The following ATXN10 variants were observed in gnomAD, a reference collection of about 807,000 sequenced individuals.
The protein encoded by ATXN10 is ataxin 10.
In ATXN10, 28 loss-of-function variants were observed where a neutral mutation model predicts 52.9. The ratio of observed to expected loss-of-function variants is 0.53; its 90% CI spans 0.39 to 0.73. The LOEUF is 0.73. Ranked by LOEUF, ATXN10 falls within the 30% of genes least tolerant of loss-of-function variation. ATXN10 has a pLI of 0.00. For missense variants in ATXN10, 565 were observed against 577.0 expected (o/e 0.98, Z 0.21); for synonymous variants, 226 against 221.5 (o/e 1.02, Z -0.18).
chr22:45,787,683 A>G lies in ATXN10; in HGVS notation c.1174-19276A>G, dbSNP rs1473235323. Among the ~76,000 whole-genome samples the G allele has an allele frequency of 6.6e-6, 1 of 152,178 alleles. No homozygotes were observed. Among genetic ancestry groups the G allele is most frequent in the African/African-American group, 2.4e-5 (1 of 41,442 alleles). ...TTTAATTCAGTTTAGTGAGGTCTAT[A>G]TGTTTGTCTGTGTGTTATTCCTGTA... On this transcript the variant is annotated intron_variant, in intron 9 of 11. Coordinates refer to ENST00000252934, the MANE Select transcript of ATXN10 (RefSeq NM_013236.4). The surrounding 1 kb of genome is among the most constrained non-coding windows in gnomAD (Gnocchi z 4.2).
chr22:45,677,488 TAAAA>T lies in ATXN10; in HGVS notation c.116+5315_116+5318del, dbSNP rs918503360. ...TTTCGTTGGTGTTTAATTTAAAAATTAAAAAAAAATTCAGGCCAAAAGGTCTTAA... is the reference window on the plus strand; with the variant it reads ...TTTCGTTGGTGTTTAATTTAAAAATTAAAAATTCAGGCCAAAAGGTCTTAA... On this transcript the variant is annotated intron_variant, in intron 1 of 11. Transcript: ENST00000252934. The surrounding 1 kb of genome is among the most constrained non-coding windows in gnomAD (Gnocchi z 4.1). 1.4e-5 allele frequency: 2 copies of T among 141,914 alleles called. No individual in the cohort carries two copies. The highest frequency in any genetic ancestry group is 5.2e-5 in the African/African-American group (2 of 38,294). 8.8% of individuals were successfully genotyped at this position (141,914 alleles called of 1,614,324 possible).
chr22:45,833,937 C>T lies in ATXN10; in HGVS notation c.1238-9054C>T, dbSNP rs1043213058. Among the ~76,000 whole-genome samples, 8 of 152,136 alleles carry T rather than the reference C, an allele frequency of 5.3e-5. No homozygotes were observed. Among genetic ancestry groups the T allele is most frequent in the Middle Eastern group, 3.2e-3 (1 of 316 alleles). Reference sequence around the variant, plus strand: ...AATCCACCTTGAACACATCCAGTTGCGGGACCTTGGCCATGTTCGCCTCTG... The same window carrying T: ...AATCCACCTTGAACACATCCAGTTGTGGGACCTTGGCCATGTTCGCCTCTG... On this transcript the variant is annotated intron_variant, in intron 10 of 11. Transcript: ENST00000252934. This position sits in a 1 kb window ranked among gnomAD's most constrained non-coding sequence, Gnocchi z 4.3.
In ATXN10 at chr22:45,729,559, A is replaced by G. The variant is rs757097542; in HGVS notation, c.863A>G (p.Lys288Arg). 11 of 1,614,204 alleles carry G rather than the reference A, an allele frequency of 6.8e-6. No homozygotes were observed. Among genetic ancestry groups the G allele is most frequent in the Non-Finnish European group, 9.3e-6 (11 of 1,180,032 alleles). Residue 288 changes from lysine to arginine, a missense_variant, in exon 7 of 12, where the codon AAG becomes AGG. Physicochemically the swap from Lys to Arg is conservative, Grantham distance 26. Coordinates refer to ENST00000252934, the MANE Select transcript of ATXN10 (RefSeq NM_013236.4). ...TFVDQCKTVLKLASEEPPDDE... is the reference protein window; with the variant it reads ...TFVDQCKTVLRLASEEPPDDE... ...GTGGATCAGTGCAAGACTGTGCTCAAGCTGGCCTCTGAGGAGCCTCCTGAT... is the reference window on the plus strand; with the variant it reads ...GTGGATCAGTGCAAGACTGTGCTCAGGCTGGCCTCTGAGGAGCCTCCTGAT...
At chr22:45,788,355 A>G (rs1927389852) in intron 9 of ATXN10, among the ~76,000 whole-genome samples, 1 of 151,364 alleles carries the variant, frequency 6.6e-6, no homozygotes, top group Non-Finnish European at 1.5e-5. Context: ...CCCACCACAC[A>G]TCCATTTCAA....
chr22:45,721,785 G>A (rs1924661872), intron 6 of ATXN10, among the ~76,000 whole-genome samples: 1 of 152,084 alleles, frequency 6.6e-6, no homozygotes, highest in Non-Finnish European at 1.5e-5. Flanking sequence ...TTGGAGTTCT[G>A]AGGCCTGTAG....
At chr22:45,808,502 T>C (rs777510484) in intron 10 of ATXN10, among the ~76,000 whole-genome samples, 13 of 152,224 alleles carry the variant, frequency 8.5e-5, no homozygotes, top group Non-Finnish European at 1.9e-4. Context: ...GTGTCCTCCT[T>C]GCCAGATGGC....
In ATXN10 at chr22:45,727,514, C is replaced by T. The variant is rs953705478; in HGVS notation, c.729-1911C>T. ...GCTGGATTACAGGCCCCTGCCACCA[C>T]GGCTGGCTAGTTGTTTTTGTATTTT... On this transcript the variant is annotated intron_variant, in intron 6 of 11. Transcript: ENST00000252934. This position sits in a 1 kb window ranked among gnomAD's most constrained non-coding sequence, Gnocchi z 4.6. 2.0e-5 allele frequency among the ~76,000 whole-genome samples: 3 copies of T among 152,052 alleles called. No homozygotes were observed. The highest frequency in any genetic ancestry group is 1.9e-4 in the East Asian group (1 of 5,190).
intron 5 of ATXN10, among the ~76,000 whole-genome samples, chr22:45,703,635 AGTTT>A (rs1405975251): frequency 1.3e-5 from 2 of 152,174 alleles, no homozygotes; most frequent in African/African-American, 4.8e-5. Flanking sequence ...AGGTTTAGAC[AGTTT>A]GTTACTTATA....
At chr22:45,697,110 C>T (rs1923638800) in intron 3 of ATXN10, among the ~76,000 whole-genome samples, 1 of 152,100 alleles carries the variant, frequency 6.6e-6, no homozygotes, top group African/African-American at 2.4e-5. Context: ...CAGTATTATG[C>T]AACTACCATC....
rs561821786 is a variant in ATXN10, at chr22:45,763,468, G to A, written c.1173+22930G>A. 1.3e-5 allele frequency among the ~76,000 whole-genome samples: 2 copies of A among 152,248 alleles called. No homozygotes were observed. Among genetic ancestry groups the A allele is most frequent in the Admixed American group, 6.5e-5 (1 of 15,290 alleles). On this transcript the variant is annotated intron_variant, in intron 9 of 11. Transcript: ENST00000252934. This position sits in a 1 kb window ranked among gnomAD's most constrained non-coding sequence, Gnocchi z 6.9. ...TCCTTGCCTGAGCCTCTGTGCTTGC[G>A]CTCCTCTCCCCAGCCCCAGGTCTGC...
At chr22:45,734,958 C>G (rs1412169371) in intron 7 of ATXN10, among the ~76,000 whole-genome samples, 2 of 151,032 alleles carry the variant, frequency 1.3e-5, no homozygotes, top group Non-Finnish European at 2.9e-5. Context: ...GGTCTTGGCT[C>G]ACTGCAACCT....
At chr22:45,817,067 T>C (rs1708240494) in intron 10 of ATXN10, among the ~76,000 whole-genome samples, 1 of 152,096 alleles carries the variant, frequency 6.6e-6, no homozygotes, top group Non-Finnish European at 1.5e-5. Flanking sequence ...CACAAAGCAG[T>C]GTGTGTCTGC....
At chr22:45,810,598 A>G (rs934674649) in intron 10 of ATXN10, among the ~76,000 whole-genome samples, 2 of 152,248 alleles carry the variant, frequency 1.3e-5, no homozygotes, top group African/African-American at 4.8e-5. Context: ...GACATACAGT[A>G]CTTAGTTTCC....
chr22:45,692,947 T>C (rs535889807), intron 2 of ATXN10, 49 bp from the exon 3 acceptor site: 1 of 1,476,300 alleles, frequency 6.8e-7, no homozygotes, highest in African/African-American at 1.4e-5. Context: ...CCATAGACAA[T>C]ATATGAATGA....
At position 45,845,264 on chromosome 22, in the gene ATXN10, A is replaced by C. The variant is rs1381042970; in HGVS notation, c.*1593A>C. The C allele has an allele frequency of 1.3e-5, 2 of 152,214 alleles. No individual in the cohort carries two copies. The highest frequency in any genetic ancestry group is 2.9e-5 in the Non-Finnish European group (2 of 68,034). The allele number at this position is 152,214 out of a possible 1,614,324, so 9.4% of individuals were successfully genotyped here. A position where few individuals can be genotyped will look rare whatever the true frequency, so the allele number is the denominator to read the frequency against. ...ACAAACTTGTCGGTATGAGCTATAT[A>C]ATAACAAACACAAATAAATAAAAGG... On this transcript the variant is annotated 3_prime_UTR_variant, in exon 12 of 12. Coordinates refer to ENST00000252934, the MANE Select transcript of ATXN10 (RefSeq NM_013236.4). The surrounding 1 kb of genome is among the most constrained non-coding windows in gnomAD (Gnocchi z 4.7).
Position 45,705,127 on chromosome 22 carries a change from G to A in ATXN10, c.647+2280G>A, listed in dbSNP as rs1158047564. Among the ~76,000 whole-genome samples, 2 of 152,244 alleles carry A rather than the reference G, an allele frequency of 1.3e-5. No individual in the cohort carries two copies. Among genetic ancestry groups the A allele is most frequent in the South Asian group, 2.1e-4 (1 of 4,824 alleles). On this transcript the variant is annotated intron_variant, in intron 5 of 11. Transcript: ENST00000252934. The surrounding 1 kb of genome is among the most constrained non-coding windows in gnomAD (Gnocchi z 5.2). ...GAGATAAATCCTACTTGTTCATAGT[G>A]TATAATCCTTTTTATATGTTGCTGG... is the stretch of plus-strand genomic sequence containing the variant.
At chr22:45,746,212 A>G (rs1193281053) in intron 9 of ATXN10, among the ~76,000 whole-genome samples, 2 of 151,754 alleles carry the variant, frequency 1.3e-5, no homozygotes, top group South Asian at 4.2e-4. Context: ...TTAAACATTC[A>G]TAACATGATC....
chr22:45,736,792 C>T (rs1482652907), intron 7 of ATXN10, among the ~76,000 whole-genome samples: 2 of 152,012 alleles, frequency 1.3e-5, no homozygotes, highest in Admixed American at 6.6e-5. Flanking sequence ...ATACTACTTT[C>T]GTCAAGAAGC....
intron 5 of ATXN10, among the ~76,000 whole-genome samples, chr22:45,711,837 C>T (rs192254056): frequency 4.8e-4 from 73 of 152,198 alleles, no homozygotes; most frequent in Admixed American, 1.1e-3. Context: ...GCTTTGTATG[C>T]GGGAACATGG....
Sources: gnomAD v4.1 joint callset for allele counts (sites outside exome capture counted in the v4.1 genomes callset) on GRCh38, gnomAD v4.1.1 for gene constraint, Gnocchi (gnomAD v3.1) non-coding constraint, MANE v1.5 for transcripts, NCBI Gene and HGNC (gene_info 2026-07-23, HGNC 2026-07-21) for gene names.